Variants in GRK5 observed in about 807,000 individuals in gnomAD.
GRK5 encodes the protein g protein-coupled receptor kinase GRK5.
GRK5 carries 40 observed loss-of-function variants against 78.4 expected under a neutral mutation model. The observed-to-expected ratio is 0.51, with a 90% CI of 0.40 to 0.66. The LOEUF is 0.66. Among genes scored for constraint, GRK5 ranks in the 30% least tolerant of loss-of-function variants. GRK5 has a pLI of 0.00. For synonymous variants in GRK5, 289 were observed against 296.8 expected (o/e 0.97, Z 0.27); for missense variants, 598 against 759.9 (o/e 0.79, Z 2.50).
intron 1 of GRK5, among the ~76,000 whole-genome samples, chr10:119,260,101 G>A (rs181984987): frequency 2.0e-5 from 3 of 152,152 alleles, no homozygotes; most frequent in South Asian, 2.1e-4. Flanking sequence ...CTGGGTTCAT[G>A]CCATTCTCCT....
intron 1 of GRK5, among the ~76,000 whole-genome samples, chr10:119,258,105 G>T (rs796690090): frequency 9.2e-5 from 14 of 152,140 alleles, no homozygotes; most frequent in South Asian, 8.3e-4. Context: ...AACTCCCCCA[G>T]ACTCCCTTGT....
intron 11 of GRK5, among the ~76,000 whole-genome samples, chr10:119,442,470 G>A (rs1433995404): frequency 5.3e-5 from 8 of 152,224 alleles, no homozygotes; most frequent in Admixed American, 3.3e-4. Flanking sequence ...AATGAGAGGC[G>A]CGCACAGCTG....
chr10:119,423,109 C>A, intron 4 of GRK5, 57 bp from the exon 5 acceptor site: 1 of 1,214,930 alleles, frequency 8.2e-7, no homozygotes, highest in Non-Finnish European at 1.2e-6. Context: ...GTGGGCAAAC[C>A]CGGCCGCACT....
At chr10:119,261,271 G>A (rs377574899) in intron 1 of GRK5, among the ~76,000 whole-genome samples, 24,123 of 149,800 alleles carry the variant, frequency 0.16, 1,947 homozygotes, top group Admixed American at 0.23. Context: ...GGTGGCGGCC[G>A]GGCAGAGGCG....
At chr10:119,275,613 G>GCACACACACACACACACACACA (rs796867686) in intron 1 of GRK5, among the ~76,000 whole-genome samples, 8 of 120,752 alleles carry the variant, frequency 6.6e-5, no homozygotes, top group African/African-American at 2.3e-4. Context: ...TCTCTCTCTC[G>GCACACACACACACACACACACA]CACACACACA....
At chr10:119,423,319 T>C in intron 5 of GRK5, 53 bp downstream of exon 5, 1 of 1,255,278 alleles carries the variant, frequency 8.0e-7, no homozygotes. Flanking sequence ...AGAGATGGGA[T>C]GCCGCAGCTC....
At chr10:119,337,683 G>A (rs968717808) in intron 2 of GRK5, among the ~76,000 whole-genome samples, 6 of 151,796 alleles carry the variant, frequency 4.0e-5, no homozygotes, top group Admixed American at 6.6e-5. Context: ...GCAATGGCAC[G>A]ATCTCAGCTC....
chr10:119,344,959 G>A (rs7082781), intron 2 of GRK5, among the ~76,000 whole-genome samples: 2 of 100,530 alleles, frequency 2.0e-5, no homozygotes, highest in African/African-American at 3.4e-5. Context: ...TCCCTCCCTC[G>A]CTCCTTCCTT....
intron 1 of GRK5, among the ~76,000 whole-genome samples, chr10:119,273,284 TC>T (rs1372306417): frequency 6.6e-6 from 1 of 152,146 alleles, no homozygotes; most frequent in African/African-American, 2.4e-5. Flanking sequence ...GCTGGTGGTG[TC>T]GGGGGTTGTG....
At chr10:119,327,249 T>G (rs1850695007) in intron 2 of GRK5, among the ~76,000 whole-genome samples, 1 of 152,108 alleles carries the variant, frequency 6.6e-6, no homozygotes, top group African/African-American at 2.4e-5. Context: ...GCCAACCAAG[T>G]GGGTCTGTGC....
At chr10:119,261,789 C>T (rs1400367720) in intron 1 of GRK5, among the ~76,000 whole-genome samples, 1 of 152,346 alleles carries the variant, frequency 6.6e-6, no homozygotes, top group Non-Finnish European at 1.5e-5. Context: ...ATTGCAGGCA[C>T]TCCGCAGGCT....
chr10:119,401,794 G>T (rs1317167978), intron 4 of GRK5, among the ~76,000 whole-genome samples: 1 of 152,198 alleles, frequency 6.6e-6, no homozygotes, highest in Non-Finnish European at 1.5e-5. Context: ...GCCAAGGAAG[G>T]GTCGGGAGGG....
At chr10:119,363,444 C>T (rs745924442) in intron 2 of GRK5, among the ~76,000 whole-genome samples, 4 of 152,066 alleles carry the variant, frequency 2.6e-5, no homozygotes, top group South Asian at 2.1e-4. Context: ...GCAGCTAGTA[C>T]GTGGTTGTAG....
rs1415187098 is a variant in GRK5, at chr10:119,207,985, G to T, written c.52+16G>T. ...GCCAGGGAAGGTAAGAGGCAGGGCC[G>T]GTACGTGCCCGGCGCGTCCGCCGCG... is the stretch of plus-strand genomic sequence containing the variant. On this transcript the variant is annotated intron_variant, in intron 1 of 15. Transcript: ENST00000392870. 6.2e-7 allele frequency: 1 copy of T among 1,600,790 alleles called. No individual in the cohort carries two copies. Among genetic ancestry groups the T allele is most frequent in the Admixed American group, 1.7e-5 (1 of 59,006 alleles).
chr10:119,225,147 C>T (rs1033058772), intron 1 of GRK5, among the ~76,000 whole-genome samples: 3 of 152,166 alleles, frequency 2.0e-5, no homozygotes, highest in African/African-American at 4.8e-5. Context: ...AACTGATTCT[C>T]GCAATCCAAG....
chr10:119,354,395 CTTT>C (rs60146483), intron 2 of GRK5, among the ~76,000 whole-genome samples: 3,198 of 87,582 alleles, frequency 0.037, 41 homozygotes, highest in African/African-American at 0.1. Context: ...CCTACATCTC[CTTT>C]TTTTTTTTTT....
chr10:119,424,870 TGCTGCA>T, intron 5 of GRK5, 117 bp from the exon 6 acceptor site: 1 of 714,052 alleles, frequency 1.4e-6, no homozygotes, highest in Non-Finnish European at 2.6e-6. Context: ...TGGCCAGACG[TGCTGCA>T]TCTGCATGGG....
intron 11 of GRK5, 148 bp from the exon 12 acceptor site, chr10:119,443,396 A>G: frequency 1.5e-6 from 1 of 660,546 alleles, no homozygotes; most frequent in Non-Finnish European, 2.5e-6. Context: ...GAGGAGAGTC[A>G]TCAGGGCAAG....
At chr10:119,310,876 G>A (rs527243310) in intron 1 of GRK5, among the ~76,000 whole-genome samples, 44 of 152,282 alleles carry the variant, frequency 2.9e-4, no homozygotes, top group African/African-American at 9.6e-4. Context: ...AGTGGCCTGT[G>A]GTTATTCAGC....
Sources: gnomAD v4.1 joint callset for allele counts (sites outside exome capture counted in the v4.1 genomes callset) on GRCh38, gnomAD v4.1.1 for gene constraint, MANE v1.5 for transcripts, NCBI Gene and HGNC (gene_info 2026-07-23, HGNC 2026-07-21) for gene names.